SGSH: variants seen among roughly 807,000 people sequenced by gnomAD.
SGSH encodes N-sulfoglucosamine sulfohydrolase, also known as heparan sulfate sulfatase.
SGSH carries 48 observed loss-of-function variants against 51.0 expected under a neutral mutation model. That is an observed-to-expected ratio of 0.94 (90% CI 0.75 to 1.20). The LOEUF is 1.20. Among genes scored for constraint, SGSH ranks in the 50% most tolerant of loss-of-function variants. SGSH has a pLI of 0.00. For missense variants in SGSH, 662 were observed against 717.8 expected (o/e 0.92, Z 0.89); for synonymous variants, 321 against 313.4 (o/e 1.02, Z -0.26).
At chr17:80,218,655 C>A (rs757411301) in intron 1 of SGSH, among the ~76,000 whole-genome samples, 1 of 152,210 alleles carries the variant, frequency 6.6e-6, no homozygotes, top group Non-Finnish European at 1.5e-5. Context: ...TGCTCCGTAC[C>A]CGCAGGCCAG....
At chr17:80,219,475 A>G (rs1465558313) in intron 1 of SGSH, among the ~76,000 whole-genome samples, 2 of 152,256 alleles carry the variant, frequency 1.3e-5, no homozygotes, top group Non-Finnish European at 2.9e-5. Context: ...GTGAGGGTCC[A>G]TGCAGATTCT....
chr17:80,204,320 T>C (rs139595123), downstream of SGSH: 5 of 1,586,144 alleles, frequency 3.2e-6, no homozygotes, highest in African/African-American at 4.0e-5. Flanking sequence ...CAGGGGCCAG[T>C]TGGACCCCAG....
At chr17:80,214,853 C>T (rs1257705806) in intron 3 of SGSH, 88 bp from the exon 4 acceptor site, 1 of 1,507,962 alleles carries the variant, frequency 6.6e-7, no homozygotes, top group Admixed American at 1.7e-5. Flanking sequence ...CCTAAGCGCA[C>T]TGTGGGTTCT....
chr17:80,203,597 T>C (rs557282281), downstream of SGSH: 311 of 479,194 alleles, frequency 6.5e-4, 1 homozygote, highest in African/African-American at 5.7e-3. The surrounding 1 kb of genome is among the most constrained non-coding windows in gnomAD (Gnocchi z 4.6). Flanking sequence ...TAAATCAGCA[T>C]CTCCAGGGGT....
At chr17:80,204,316 C>A, downstream of SGSH, 1 of 1,587,240 alleles carries the variant, frequency 6.3e-7, no homozygotes, top group Admixed American at 1.7e-5. Context: ...TTGACAGGGG[C>A]CAGTTGGACC....
chr17:80,220,115 T>C, intron 1 of SGSH, 111 bp downstream of exon 1: 4 of 699,214 alleles, frequency 5.7e-6, no homozygotes, highest in Non-Finnish European at 6.8e-6. Context: ...CAGCGGGGGA[T>C]ACAAGGGCAG....
At chr17:80,205,646 G>T, downstream of SGSH, 1 of 1,562,876 alleles carries the variant, frequency 6.4e-7, no homozygotes, top group East Asian at 2.3e-5. Context: ...AGTCCCTCAT[G>T]GAAAAGGTGA....
chr17:80,205,530 G>A (rs768494068), downstream of SGSH: 2 of 1,585,206 alleles, frequency 1.3e-6, no homozygotes, highest in Non-Finnish European at 1.7e-6. Flanking sequence ...GTCACCTGTA[G>A]AGTACTTGAG....
At chr17:80,203,880 C>A (rs563350773), downstream of SGSH, 1 of 1,595,506 alleles carries the variant, frequency 6.3e-7, no homozygotes, top group Non-Finnish European at 8.5e-7. This position sits in a 1 kb window ranked among gnomAD's most constrained non-coding sequence, Gnocchi z 4.6. Flanking sequence ...CACCGTGACC[C>A]GCAAGGTGAG....
chr17:80,207,904 G>A (rs1033558566), downstream of SGSH, among the ~76,000 whole-genome samples: 2 of 152,068 alleles, frequency 1.3e-5, no homozygotes, highest in African/African-American at 2.4e-5. Context: ...GTTTCCTGGG[G>A]ACAGACCAAG....
downstream of SGSH, chr17:80,208,715 G>C (rs1170113307): frequency 1.0e-5 from 2 of 199,930 alleles, no homozygotes; most frequent in Non-Finnish European, 2.0e-5. Context: ...CAAATCTATG[G>C]GGGCTGCACT....
chr17:80,218,201 G>A (rs918405767), intron 1 of SGSH, among the ~76,000 whole-genome samples: 3 of 152,238 alleles, frequency 2.0e-5, no homozygotes, highest in Admixed American at 6.5e-5. Context: ...GGAGAGCCTC[G>A]CCCAGGGCGC....
chr17:80,220,127 G>A, intron 1 of SGSH, 99 bp downstream of exon 1: 1 of 803,380 alleles, frequency 1.2e-6, no homozygotes, highest in Admixed American at 2.8e-5. Flanking sequence ...CAAGGGCAGG[G>A]CACACTAGGG....
intron 7 of SGSH, chr17:80,211,335 T>A: frequency 2.1e-6 from 1 of 469,314 alleles, no homozygotes; most frequent in Non-Finnish European, 3.7e-6. Context: ...GCTCATCATT[T>A]GGGGCCAGAG....
downstream of SGSH, chr17:80,205,980 C>T (rs930610319): frequency 1.5e-4 from 30 of 199,592 alleles, no homozygotes; most frequent in Middle Eastern, 1.9e-3. Context: ...AGCAGCTCCC[C>T]GTGAACCACA....
intron 1 of SGSH, chr17:80,219,822 G>A (rs993116903): frequency 5.5e-6 from 1 of 180,366 alleles, no homozygotes; most frequent in Non-Finnish European, 1.2e-5. Flanking sequence ...CTGAGACACA[G>A]GCTCTGGGGT....
At chr17:80,217,371 G>A (rs1172756338) in intron 1 of SGSH, 179 bp from the exon 2 acceptor site, 4 of 720,006 alleles carry the variant, frequency 5.6e-6, no homozygotes, top group South Asian at 3.2e-5. Context: ...CATTACCTAG[G>A]AGGCATGACA....
chr17:80,211,137 T>C (rs1598739909), intron 7 of SGSH, 126 bp from the exon 8 acceptor site: 7 of 1,526,508 alleles, frequency 4.6e-6, no homozygotes, highest in Non-Finnish European at 6.1e-6. Flanking sequence ...GGGAGGTGCC[T>C]TGTCGAGCCG....
rs1298498414 is a variant in SGSH, at chr17:80,214,735, TC to T, written c.385del (p.Glu129ArgfsTer135). The T allele has an allele frequency of 6.2e-7, 1 of 1,612,778 alleles. No individual in the cohort carries two copies. The highest frequency in any genetic ancestry group is 1.3e-5 in the African/African-American group (1 of 74,928). The stretch of plus-strand genomic sequence containing the variant: ...CGCAAAGTCAAACGGGTACACGGTC[TC>T]CGGCCCCACGTGCTTCTTCCCGATG... ...GIIGKKHVGP[E>X]TVYPFDFAYT... On this transcript the variant is annotated frameshift_variant, in exon 4 of 8. Transcript: ENST00000326317. LOFTEE classifies it high-confidence loss of function.
Sources: gnomAD v4.1 joint callset for allele counts (sites outside exome capture counted in the v4.1 genomes callset) on GRCh38, gnomAD v4.1.1 for gene constraint, Gnocchi (gnomAD v3.1) non-coding constraint, MANE v1.5 for transcripts, NCBI Gene and HGNC (gene_info 2026-07-23, HGNC 2026-07-21) for gene names.